Variants in DHRSX observed in about 807,000 individuals in gnomAD.
DHRSX encodes the protein polyprenol dehydrogenase.
In DHRSX, 31 loss-of-function variants were observed where a neutral mutation model predicts 34.0. The ratio of observed to expected loss-of-function variants is 0.91; its 90% CI spans 0.69 to 1.23. The LOEUF (loss-of-function observed/expected upper bound fraction) is 1.23. DHRSX is among the 50% of genes most tolerant of loss of function. The probability of loss-of-function intolerance (pLI) is 0.00; values close to 1 mark genes in which losing one functional copy is unlikely to be tolerated. For missense variants in DHRSX, 414 were observed against 428.1 expected, an observed-to-expected ratio of 0.97 and a Z score of 0.29; for synonymous variants, 201 against 183.8, an observed-to-expected ratio of 1.09 and a Z score of -0.76.
At chrX:2,316,799 C>T (rs1374218602) in intron 3 of DHRSX, among the ~76,000 whole-genome samples, 4 of 152,152 alleles carry the variant, frequency 2.6e-5, no homozygotes, top group Middle Eastern at 3.2e-3. Context: ...AATTCAAAAA[C>T]TTGCAACTTC....
intron 3 of DHRSX, among the ~76,000 whole-genome samples, chrX:2,377,149 A>G (rs769884528): frequency 2.6e-5 from 4 of 152,200 alleles, no homozygotes; most frequent in African/African-American, 9.6e-5. Flanking sequence ...CCACACACAC[A>G]CAAAAACTGT....
At chrX:2,354,728 G>T (rs1367692454) in intron 3 of DHRSX, among the ~76,000 whole-genome samples, 1 of 152,176 alleles carries the variant, frequency 6.6e-6, no homozygotes, top group African/African-American at 2.4e-5. Context: ...CCAAAGTGCT[G>T]GGACTACAGG....
At chrX:2,392,699 T>C (rs1368158955) in intron 3 of DHRSX, among the ~76,000 whole-genome samples, 1 of 145,042 alleles carries the variant, frequency 6.9e-6, no homozygotes, top group South Asian at 2.1e-4. Flanking sequence ...CCAATAACTA[T>C]AGTTTATACT....
intron 5 of DHRSX, among the ~76,000 whole-genome samples, chrX:2,246,132 C>G (rs868259530): frequency 1.3e-5 from 2 of 151,952 alleles, no homozygotes; most frequent in Admixed American, 6.6e-5. Flanking sequence ...TTTCAGGGTT[C>G]ACAAAGCCAT....
At chrX:2,495,334 T>C (rs973722780) in intron 1 of DHRSX, among the ~76,000 whole-genome samples, 48 of 151,908 alleles carry the variant, frequency 3.2e-4, no homozygotes, top group African/African-American at 1.1e-3. Flanking sequence ...CCCAGTACCA[T>C]GAACAAAGGT....
At chrX:2,292,003 G>A (rs1308691169) in intron 3 of DHRSX, among the ~76,000 whole-genome samples, 1 of 148,908 alleles carries the variant, frequency 6.7e-6, no homozygotes, top group Non-Finnish European at 1.5e-5. Flanking sequence ...GCCTCCCAAA[G>A]TGCTGGGATT....
At chrX:2,339,558 A>C (rs111830714) in intron 3 of DHRSX, among the ~76,000 whole-genome samples, 42,598 of 151,782 alleles carry the variant, frequency 0.28, 7,435 homozygotes, top group African/African-American at 0.48. Flanking sequence ...GCTCTCCCCA[A>C]GTCCCCAAAG....
chrX:2,490,204 G>A (rs2124106043), intron 1 of DHRSX: 1 of 1,613,974 alleles, frequency 6.2e-7, no homozygotes, highest in South Asian at 1.1e-5. Context: ...TCTCAGGGAT[G>A]GCCTTGGTAG....
At chrX:2,462,469 A>T (rs1362185642) in intron 1 of DHRSX, among the ~76,000 whole-genome samples, 2 of 152,084 alleles carry the variant, frequency 1.3e-5, no homozygotes, top group Admixed American at 6.6e-5. Flanking sequence ...TGGGAGGTGG[A>T]GGTTGCAGCG....
chrX:2,360,016 G>A (rs1433222872), intron 3 of DHRSX, among the ~76,000 whole-genome samples: 2 of 152,088 alleles, frequency 1.3e-5, no homozygotes, highest in Non-Finnish European at 2.9e-5. Flanking sequence ...AAACCCCCAT[G>A]ACACGAGTTT....
rs149245102 is a variant in DHRSX at position 2,410,424 on chromosome X, G to A, written c.218-1611C>T. ...AGCAGTTACCAAGGGGGTGGGGCCG[G>A]TCTATCTCCATCCTACCTGCACCCA... On this transcript the variant is annotated intron_variant, in intron 2 of 6. Transcript: ENST00000334651. Among the ~76,000 whole-genome samples the A allele has an allele frequency of 2.2e-3, 328 of 152,308 alleles. 6 individuals are homozygous for A. The East Asian group carries it at 0.054, about 25-fold the overall frequency.
chrX:2,303,877 G>GTGGA (rs1391288726), intron 3 of DHRSX, among the ~76,000 whole-genome samples: 1 of 56,206 alleles, frequency 1.8e-5, no homozygotes, highest in Non-Finnish European at 4.3e-5. Context: ...GGGTGGATGG[G>GTGGA]TGGATGGATG....
At chrX:2,276,688 C>T (rs186054216) in intron 4 of DHRSX, among the ~76,000 whole-genome samples, 1,580 of 148,682 alleles carry the variant, frequency 0.011, 31 homozygotes, top group African/African-American at 0.036. Flanking sequence ...GCTCTCCAAG[C>T]GGAGAACTCC....
At chrX:2,431,416 T>TA (rs1569500611) in intron 1 of DHRSX, among the ~76,000 whole-genome samples, 1 of 152,140 alleles carries the variant, frequency 6.6e-6, no homozygotes, top group African/African-American at 2.4e-5. Context: ...TCTTTGCTTT[T>TA]ATGAATAGTG....
At chrX:2,441,420 G>T (rs746103724) in intron 1 of DHRSX, among the ~76,000 whole-genome samples, 92 of 152,224 alleles carry the variant, frequency 6.0e-4, no homozygotes, top group Non-Finnish European at 1.1e-3. Flanking sequence ...GTCATCTGTG[G>T]ACACAGATCT....
chrX:2,485,780 AAAAGGGAGAGAAGGGAG>A (rs2044893639), intron 1 of DHRSX, among the ~76,000 whole-genome samples: 1 of 18,152 alleles, frequency 5.5e-5, no homozygotes. Context: ...AGGAAGGGAG[AAAAGGGAGAGAAGGGAG>A]AGAAGGAAGG....
chrX:2,348,174 G>A (rs1380788957), intron 3 of DHRSX, among the ~76,000 whole-genome samples: 2 of 152,162 alleles, frequency 1.3e-5, no homozygotes, highest in African/African-American at 2.4e-5. Context: ...GAATAGAGAA[G>A]CAGCTCGGGT....
At chrX:2,244,166 A>G (rs944636873) in intron 5 of DHRSX, among the ~76,000 whole-genome samples, 3 of 152,036 alleles carry the variant, frequency 2.0e-5, no homozygotes, top group Non-Finnish European at 4.4e-5. Flanking sequence ...CCTCACATCT[A>G]CTGCAAGCTC....
chrX:2,366,763 T>C (rs1439650214), intron 3 of DHRSX, among the ~76,000 whole-genome samples: 1 of 58,132 alleles, frequency 1.7e-5, no homozygotes, highest in Non-Finnish European at 3.2e-5. Context: ...ACCCGGATAA[T>C]TTTTTTTTTT....
Sources: allele counts gnomAD v4.1 joint callset (sites outside exome capture counted in the v4.1 genomes callset), GRCh38; gene constraint gnomAD v4.1.1; transcripts MANE v1.5; gene names NCBI Gene and HGNC (gene_info 2026-07-23, HGNC 2026-07-21).